Variants in ELN observed in about 807,000 individuals in gnomAD.
The protein encoded by ELN is elastin.
Under a neutral mutation model 105.8 loss-of-function variants are expected in ELN, and 65 were observed. The ratio of observed to expected loss-of-function variants is 0.61; its 90% CI spans 0.50 to 0.75. The LOEUF (loss-of-function observed/expected upper bound fraction) is 0.75. Among genes scored for constraint, ELN ranks in the 30% least tolerant of loss-of-function variants. The pLI, the probability that ELN is intolerant of heterozygous loss-of-function variation, is 0.00. For missense variants in ELN, 882 were observed against 969.4 expected, an observed-to-expected ratio of 0.91 and a Z score of 1.20; for synonymous variants, 368 against 389.2, an observed-to-expected ratio of 0.95 and a Z score of 0.64.
In ELN at chr7:74,068,780, C is replaced by A. The variant is rs575495469; in HGVS notation, c.*80C>A. 21 of 1,554,858 alleles carry A rather than the reference C, an allele frequency of 1.4e-5. 1 individual carries two copies. In the African/African-American group the frequency reaches 1.4e-4, roughly 10 times the overall value. Reference sequence around the variant, plus strand: ...GGAGAATGTAAACCCTTTGTAACCCCATCCCATGCCCCTCCGACTCCCCAC... The same window carrying A: ...GGAGAATGTAAACCCTTTGTAACCCAATCCCATGCCCCTCCGACTCCCCAC... On this transcript the variant is annotated 3_prime_UTR_variant, in exon 33 of 33. Transcript: ENST00000252034.
In ELN at chr7:74,028,393, C is replaced by A. The variant is rs1246932467; in HGVS notation, c.82+124C>A. On this transcript the variant is annotated intron_variant, in intron 1 of 32. Transcript: ENST00000252034. Reference sequence around the variant, plus strand: ...ACTGCAAGGGGTCCCAGGTGGGAGCCCCTCAGCCACTGGGTCCTCGGAACT... The same window carrying A: ...ACTGCAAGGGGTCCCAGGTGGGAGCACCTCAGCCACTGGGTCCTCGGAACT... 5.2e-6 allele frequency: 6 copies of A among 1,157,484 alleles called. No homozygotes were observed. In the African/African-American group the frequency reaches 9.2e-5, roughly 18 times the overall value. 71.7% of individuals were successfully genotyped at this position (1,157,484 alleles called of 1,614,324 possible).
At chr7:74,029,501 T>C (rs2130881373) in intron 1 of ELN, among the ~76,000 whole-genome samples, 1 of 148,388 alleles carries the variant, frequency 6.7e-6, no homozygotes, top group East Asian at 2.0e-4. Flanking sequence ...TCCTCGGGAG[T>C]CCTCCTTGCC....
chr7:74,053,417 ACCATCTG>A (rs1794558174), intron 18 of ELN, 108 bp downstream of exon 18: 5 of 1,538,616 alleles, frequency 3.2e-6, no homozygotes, highest in Non-Finnish European at 4.4e-6. Context: ...TAACACCATA[ACCATCTG>A]CCCATACCCT....
At chr7:74,052,973 C>T in intron 17 of ELN, 190 bp from the exon 18 acceptor site, 1 of 704,810 alleles carries the variant, frequency 1.4e-6, no homozygotes, top group Non-Finnish European at 2.4e-6. Context: ...TGATTCAAAT[C>T]CTAGAGCTCT....
chr7:74,059,175 A>G (rs1264652028), intron 22 of ELN, among the ~76,000 whole-genome samples: 1 of 152,176 alleles, frequency 6.6e-6, no homozygotes, highest in South Asian at 2.1e-4. Flanking sequence ...CTGGCCTACA[A>G]AAATCTTACA....
At chr7:74,028,914 CGT>C (rs1788049256) in intron 1 of ELN, among the ~76,000 whole-genome samples, 1 of 151,720 alleles carries the variant, frequency 6.6e-6, no homozygotes, top group African/African-American at 2.4e-5. Flanking sequence ...GCTGTGTGCT[CGT>C]GTGTGTATGT....
At position 74,028,862 on chromosome 7, in the gene ELN, TTG is replaced by T. The variant is rs143136809; in HGVS notation, c.82+612_82+613del. Among the ~76,000 whole-genome samples, 278 of 148,868 alleles carry T rather than the reference TTG, an allele frequency of 1.9e-3. 2 individuals are homozygous for T. The highest frequency in any genetic ancestry group is 5.6e-3 in the African/African-American group (229 of 40,842). ...GCAGGCAGGGACTCCTGGTATGCAT[TTG>T]TGTGTGTGTGTGTGTGTGCATGCAC... On this transcript the variant is annotated intron_variant, in intron 1 of 32. Transcript: ENST00000252034.
chr7:74,064,589 C>T (rs1477527451), intron 29 of ELN, among the ~76,000 whole-genome samples: 2 of 152,072 alleles, frequency 1.3e-5, no homozygotes, highest in African/African-American at 2.4e-5. Context: ...GCACTCCAGC[C>T]TGAGCAACAG....
chr7:74,066,373 T>C (rs1185334237), intron 31 of ELN, among the ~76,000 whole-genome samples: 2 of 151,566 alleles, frequency 1.3e-5, no homozygotes, highest in African/African-American at 2.4e-5. Context: ...TCGAGACCAG[T>C]CTGGTCAACA....
At chr7:74,053,054 C>A in intron 17 of ELN, 109 bp from the exon 18 acceptor site, 1 of 1,532,604 alleles carries the variant, frequency 6.5e-7, no homozygotes, top group Non-Finnish European at 8.9e-7. Flanking sequence ...GTCAACCCAC[C>A]TGCAATCCTG....
chr7:74,037,755 T>TCG lies in ELN; in HGVS notation c.196+17_196+18dup. On this transcript the variant is annotated intron_variant, in intron 4 of 32. Coordinates refer to ENST00000252034, the MANE Select transcript of ELN (RefSeq NM_000501.4). ...CTTAAGCCAGGTAAGACCCAAGGCC[T>TCG]CGGAGCATTGAGAGACAGCGAGGGA... 1 of 1,610,656 alleles carries TCG rather than the reference T, an allele frequency of 6.2e-7. No homozygotes were observed. Among genetic ancestry groups the TCG allele is most frequent in the South Asian group, 1.1e-5 (1 of 90,114 alleles).
At chr7:74,057,249 A>G (rs553446865) in intron 21 of ELN, 128 of 788,720 alleles carry the variant, frequency 1.6e-4, no homozygotes, top group Admixed American at 5.4e-4. Context: ...AAAAATAAAA[A>G]AAAAAGAAAA....
rs569385593 is a variant in ELN at position 74,044,944 on chromosome 7, G to A, written c.470-278G>A. On this transcript the variant is annotated intron_variant, in intron 9 of 32. Transcript: ENST00000252034. ...CTTTTCTGCGGAGGGTGGTCGAGAC[G>A]GCTTTTGTGATTAACTCCAGCATAG... Among the ~76,000 whole-genome samples the A allele has an allele frequency of 4.6e-5, 7 of 152,302 alleles. No homozygotes were observed. In the East Asian group the frequency reaches 7.7e-4, roughly 17 times the overall value.
intron 2 of ELN, chr7:74,035,629 G>A (rs1444610756): frequency 1.2e-5 from 8 of 647,890 alleles, no homozygotes; most frequent in Non-Finnish European, 1.9e-5. Flanking sequence ...CAACACTCTG[G>A]GAGGCAGAGA....
intron 1 of ELN, among the ~76,000 whole-genome samples, chr7:74,029,667 C>T (rs932802297): frequency 1.5e-4 from 23 of 152,130 alleles, no homozygotes; most frequent in Admixed American, 1.3e-3. Context: ...TACCCACAGG[C>T]GGGCCCCAGC....
At chr7:74,045,599 C>T (rs1311968020) in intron 10 of ELN, among the ~76,000 whole-genome samples, 2 of 151,942 alleles carry the variant, frequency 1.3e-5, no homozygotes, top group African/African-American at 4.8e-5. Context: ...AAAAATTAGC[C>T]GGACATGGTC....
chr7:74,031,366 T>A (rs1554662162), intron 1 of ELN, among the ~76,000 whole-genome samples: 1 of 152,224 alleles, frequency 6.6e-6, no homozygotes, highest in Admixed American at 6.5e-5. Context: ...TGGGCATTTT[T>A]AAAATAATCT....
At chr7:74,064,370 G>A (rs551560996) in intron 29 of ELN, among the ~76,000 whole-genome samples, 11 of 149,350 alleles carry the variant, frequency 7.4e-5, no homozygotes, top group South Asian at 2.1e-4. Context: ...AGCCGAGATC[G>A]CGCCACTGCA....
chr7:74,048,087 A>C, intron 13 of ELN, 55 bp from the exon 14 acceptor site: 1 of 1,601,008 alleles, frequency 6.2e-7, no homozygotes, highest in Non-Finnish European at 8.6e-7. Flanking sequence ...GGGGAGGGGG[A>C]GGGCAGCAGT....
Sources: allele counts gnomAD v4.1 joint callset (sites outside exome capture counted in the v4.1 genomes callset), GRCh38; gene constraint gnomAD v4.1.1; transcripts MANE v1.5; gene names NCBI Gene and HGNC (gene_info 2026-07-23, HGNC 2026-07-21).